Variants in TDRD9 observed in about 807,000 individuals in gnomAD.
TDRD9 encodes the protein ATP-dependent RNA helicase TDRD9.
In TDRD9, 124 loss-of-function variants were observed where a neutral mutation model predicts 172.6. The observed-to-expected ratio is 0.72, with a 90% confidence interval of 0.62 to 0.83. The LOEUF is 0.83. Ranked by LOEUF, TDRD9 falls within the 40% of genes least tolerant of loss-of-function variation. The probability of loss-of-function intolerance (pLI) is 0.00; values close to 1 mark genes in which losing one functional copy is unlikely to be tolerated. For synonymous variants in TDRD9, 619 were observed against 617.1 expected (o/e 1.00, Z -0.05); for missense variants, 1,479 against 1,714.1 (o/e 0.86, Z 2.42).
chr14:103,928,572 C>A lies in TDRD9; in HGVS notation c.63C>A (p.Thr21=). ...GGTTCACCATCGGCAAGACGGTGAC[C>A]AATGTGGAGCTGCTGGGCGCGCCGC... ...NDWFTIGKTV[T]NVELLGAPPA... Residue 21 remains threonine (T), a synonymous_variant, in exon 1 of 36, where the codon ACC becomes ACA. Coordinates refer to ENST00000409874, the MANE Select transcript of TDRD9 (RefSeq NM_153046.3). 1 of 1,375,496 alleles carries A rather than the reference C, an allele frequency of 7.3e-7. No individual in the cohort carries two copies. Among genetic ancestry groups the A allele is most frequent in the South Asian group, 1.5e-5 (1 of 66,218 alleles). The allele number at this position is 1,375,496 out of a possible 1,614,324, so 85.2% of individuals were successfully genotyped here. A position where few individuals can be genotyped will look rare whatever the true frequency, so the allele number is the denominator to read the frequency against.
intron 2 of TDRD9, among the ~76,000 whole-genome samples, chr14:103,956,566 G>T (rs1237938902): frequency 6.6e-6 from 1 of 152,152 alleles, no homozygotes. Flanking sequence ...CGCTTGAACT[G>T]GGAGGCAGAG....
chr14:103,965,117 C>T (rs186137925), intron 3 of TDRD9, among the ~76,000 whole-genome samples: 1 of 152,090 alleles, frequency 6.6e-6, no homozygotes, highest in Non-Finnish European at 1.5e-5. Flanking sequence ...GAGGCTGAGG[C>T]ATGAGAATCG....
At chr14:103,930,951 T>C (rs1255971749) in intron 1 of TDRD9, among the ~76,000 whole-genome samples, 1 of 152,184 alleles carries the variant, frequency 6.6e-6, no homozygotes, top group East Asian at 1.9e-4. Context: ...AAATGAATTT[T>C]CAGAGCAATG....
In TDRD9 at chr14:103,933,698, G is replaced by A. The variant is rs533823964; in HGVS notation, c.215+4974G>A. 7.2e-5 allele frequency among the ~76,000 whole-genome samples: 11 copies of A among 152,210 alleles called. No homozygotes were observed. The East Asian group carries it at 2.1e-3, about 29-fold the overall frequency. On this transcript the variant is annotated intron_variant, in intron 1 of 35. Coordinates refer to ENST00000409874, the MANE Select transcript of TDRD9 (RefSeq NM_153046.3). The stretch of plus-strand genomic sequence containing the variant: ...GCTGGGATTACAGGTGTGAGCCACC[G>A]CATCTGGCCCAGGTCCCTAAGTCTT...
chr14:103,933,789 C>T (rs1395681032), intron 1 of TDRD9, among the ~76,000 whole-genome samples: 1 of 152,182 alleles, frequency 6.6e-6, no homozygotes, highest in Non-Finnish European at 1.5e-5. Flanking sequence ...TCAGGTGACA[C>T]AGGAAATGAG....
At chr14:103,983,176 G>T (rs2033545275) in intron 7 of TDRD9, among the ~76,000 whole-genome samples, 1 of 144,988 alleles carries the variant, frequency 6.9e-6, no homozygotes. Flanking sequence ...TGATTTTCCT[G>T]CCTCAGTCTC....
At chr14:104,009,105 C>G (rs948375795) in intron 20 of TDRD9, among the ~76,000 whole-genome samples, 1 of 152,150 alleles carries the variant, frequency 6.6e-6, no homozygotes. Flanking sequence ...TATAGTGTAG[C>G]CTATGGCTTC....
chr14:104,016,218 T>G, intron 22 of TDRD9, 130 bp downstream of exon 22: 1 of 633,892 alleles, frequency 1.6e-6, no homozygotes, highest in East Asian at 2.8e-5. Context: ...TTGTTTGGCC[T>G]TTTCAGGTGT....
Position 103,998,686 on chromosome 14 carries a change from C to T in TDRD9, c.1441C>T (p.Arg481Ter), listed in dbSNP as rs1440969065. 6 of 1,609,978 alleles carry T rather than the reference C, an allele frequency of 3.7e-6. No individual in the cohort carries two copies. Among genetic ancestry groups the T allele is most frequent in the Non-Finnish European group, 5.1e-6 (6 of 1,176,676 alleles). ...TGAAGATACAAATTATCAGAGTCTG[C>T]GATTGAGTTGGGCTTCTAAAACCAG... ...CDEDTNYQSL[R>*]LSWASKTSCN... Residue 481 changes from arginine (R) to a stop codon, truncating the protein, a stop_gained, in exon 13 of 36, where the codon CGA (arginine) becomes TGA (stop). Transcript: ENST00000409874. LOFTEE classifies it high-confidence loss of function.
At chr14:103,968,402 T>C (rs950880207) in intron 5 of TDRD9, among the ~76,000 whole-genome samples, 3 of 152,220 alleles carry the variant, frequency 2.0e-5, no homozygotes, top group Non-Finnish European at 4.4e-5. Flanking sequence ...CTGGGATTAT[T>C]TGAATTTCAA....
rs1254237487 is a variant in TDRD9, at chr14:104,026,829, C to T, written c.3172C>T (p.Leu1058=). The T allele has an allele frequency of 1.9e-6, 3 of 1,614,046 alleles. No individual in the cohort carries two copies. Among genetic ancestry groups the T allele is most frequent in the East Asian group, 2.2e-5 (1 of 44,884 alleles). ...VKVFSVVHSV[L]HVDVYQYSGV... ...GGTCTTCTCTGTGGTGCACAGCGTCCTGCACGTGGATGTGTACCAGTACTC... is the reference window on the plus strand; with the variant it reads ...GGTCTTCTCTGTGGTGCACAGCGTCTTGCACGTGGATGTGTACCAGTACTC... The change falls in exon 28 of 36, where the codon CTG becomes TTG. Residue 1058 remains leucine, a synonymous_variant. Transcript: ENST00000409874.
chr14:104,041,149 G>A (rs955642144), intron 33 of TDRD9, among the ~76,000 whole-genome samples: 2 of 152,162 alleles, frequency 1.3e-5, no homozygotes, highest in East Asian at 1.9e-4. Context: ...CCGATGCTCC[G>A]GGGGCAGGTA....
chr14:103,992,851 G>A (rs556092401), intron 9 of TDRD9, among the ~76,000 whole-genome samples: 1 of 150,824 alleles, frequency 6.6e-6, no homozygotes, highest in African/African-American at 2.4e-5. Context: ...CATGAACCTG[G>A]GAGGCGGAGC....
At chr14:103,946,983 A>G (rs117257440) in intron 1 of TDRD9, among the ~76,000 whole-genome samples, 33 of 152,302 alleles carry the variant, frequency 2.2e-4, no homozygotes, top group East Asian at 2.1e-3. Flanking sequence ...TACAGATTCA[A>G]TGCAATCTCT....
At chr14:103,991,759 A>AT (rs5811125) in intron 9 of TDRD9, among the ~76,000 whole-genome samples, 201 of 143,196 alleles carry the variant, frequency 1.4e-3, no homozygotes, top group African/African-American at 3.5e-3. Flanking sequence ...TAAGAGTTCA[A>AT]TTTTTTTTTT....
chr14:103,998,063 G>T (rs2034117531), intron 12 of TDRD9, among the ~76,000 whole-genome samples: 1 of 152,026 alleles, frequency 6.6e-6, no homozygotes, highest in African/African-American at 2.4e-5. Context: ...GAGGGGGAAA[G>T]GTGTGGTGGA....
At chr14:103,963,574 T>C (rs1052397079) in intron 3 of TDRD9, among the ~76,000 whole-genome samples, 1 of 152,232 alleles carries the variant, frequency 6.6e-6, no homozygotes, top group African/African-American at 2.4e-5. Context: ...TGGGTTTTCT[T>C]TACAGCGTTG....
chr14:104,007,067 A>C, intron 18 of TDRD9, 93 bp from the exon 19 acceptor site: 1 of 1,261,500 alleles, frequency 7.9e-7, no homozygotes, highest in South Asian at 1.4e-5. Flanking sequence ...GTAAATTTTT[A>C]TGTTGTAAAT....
intron 3 of TDRD9, among the ~76,000 whole-genome samples, chr14:103,963,998 A>G (rs1240917420): frequency 2.6e-5 from 4 of 152,152 alleles, no homozygotes; most frequent in Non-Finnish European, 5.9e-5. Flanking sequence ...CTTGTTTCCA[A>G]ATATGTCTGG....
Sources: allele counts gnomAD v4.1 joint callset (sites outside exome capture counted in the v4.1 genomes callset), GRCh38; gene constraint gnomAD v4.1.1; transcripts MANE v1.5; gene names NCBI Gene and HGNC (gene_info 2026-07-23, HGNC 2026-07-21).